Variants in PCBP3 observed in about 807,000 individuals in gnomAD.
PCBP3 encodes the protein poly(rC) binding protein 3.
A neutral mutation model predicts 52.7 loss-of-function variants in PCBP3; 25 were observed. The ratio of observed to expected loss-of-function variants is 0.47; its 90% CI spans 0.35 to 0.66. The LOEUF is 0.66. PCBP3 is among the 30% of genes least tolerant of loss of function. The probability of loss-of-function intolerance (pLI) is 0.01; values close to 1 mark genes in which losing one functional copy is unlikely to be tolerated. For synonymous variants in PCBP3, 162 were observed against 183.0 expected (o/e 0.89, Z 0.93); for missense variants, 391 against 490.3 (o/e 0.80, Z 1.91).
At chr21:45,652,705 A>G (rs2079770781) in intron 1 of PCBP3, among the ~76,000 whole-genome samples, 1 of 152,092 alleles carries the variant, frequency 6.6e-6, no homozygotes, top group Non-Finnish European at 1.5e-5. Flanking sequence ...GGCCTCCCAC[A>G]GTGCTGGGAT....
At chr21:45,692,900 A>C (rs888826793) in intron 2 of PCBP3, among the ~76,000 whole-genome samples, 2 of 152,340 alleles carry the variant, frequency 1.3e-5, no homozygotes, top group South Asian at 4.1e-4. Flanking sequence ...AATCAAATCC[A>C]GAAATATTTT....
intron 4 of PCBP3, among the ~76,000 whole-genome samples, chr21:45,826,686 G>A (rs1266552019): frequency 1.3e-5 from 2 of 152,226 alleles, no homozygotes; most frequent in African/African-American, 4.8e-5. Flanking sequence ...GGACGACATG[G>A]TGGTGAGTTC....
intron 5 of PCBP3, chr21:45,858,881 A>G (rs1027378021): frequency 1.5e-4 from 23 of 152,018 alleles, no homozygotes; most frequent in African/African-American, 5.3e-4. Flanking sequence ...ATGAGATCTG[A>G]TGGTTTTCTA....
chr21:45,846,755 G>A (rs1285964981), intron 4 of PCBP3, among the ~76,000 whole-genome samples: 1 of 152,216 alleles, frequency 6.6e-6, no homozygotes, highest in East Asian at 1.9e-4. Flanking sequence ...GCCCTTCTTG[G>A]TCTTGCTTCC....
chr21:45,900,656 C>T, intron 8 of PCBP3, 33 bp downstream of exon 8: 1 of 838,976 alleles, frequency 1.2e-6, no homozygotes, highest in Non-Finnish European at 2.0e-6. Flanking sequence ...TGTCCGCAGC[C>T]ATTCCCGGGT....
intron 5 of PCBP3, among the ~76,000 whole-genome samples, chr21:45,867,591 A>G (rs996925515): frequency 6.6e-6 from 1 of 152,270 alleles, no homozygotes; most frequent in Admixed American, 6.5e-5. Flanking sequence ...TGTGTTGTGC[A>G]CAGACATGGT....
intron 2 of PCBP3, among the ~76,000 whole-genome samples, chr21:45,716,811 G>GT (rs2084257307): frequency 6.6e-6 from 1 of 152,060 alleles, no homozygotes; most frequent in Non-Finnish European, 1.5e-5. Flanking sequence ...TTCTGACTTT[G>GT]TTTTTCTTTT....
Position 45,735,781 on chromosome 21 carries a change from A to G in PCBP3, c.-162+352A>G, listed in dbSNP as rs1203151355. ...CACTTGGAGCCTACTGCACGAGCCTACCGCACAAGCCTACCGCACGCCTTT... is the reference window on the plus strand; with the variant it reads ...CACTTGGAGCCTACTGCACGAGCCTGCCGCACAAGCCTACCGCACGCCTTT... On this transcript the variant is annotated intron_variant, in intron 3 of 17. Transcript: ENST00000681687. This position sits in a 1 kb window ranked among gnomAD's most constrained non-coding sequence, Gnocchi z 4.0. 6.6e-6 allele frequency among the ~76,000 whole-genome samples: 1 copy of G among 152,164 alleles called. No individual in the cohort carries two copies. Among genetic ancestry groups the G allele is most frequent in the Non-Finnish European group, 1.5e-5 (1 of 68,018 alleles).
At chr21:45,692,739 C>T (rs1603272312) in intron 2 of PCBP3, among the ~76,000 whole-genome samples, 2 of 152,084 alleles carry the variant, frequency 1.3e-5, no homozygotes, top group South Asian at 2.1e-4. Context: ...CCAGACTCTT[C>T]CAGAAAACAG....
intron 5 of PCBP3, among the ~76,000 whole-genome samples, chr21:45,855,372 A>AT (rs1323616365): frequency 6.6e-6 from 1 of 152,042 alleles, no homozygotes; most frequent in African/African-American, 2.4e-5. Flanking sequence ...ACATACACAC[A>AT]TCCGCCCTCA....
chr21:45,913,133 G>A (rs2149291689), intron 11 of PCBP3, among the ~76,000 whole-genome samples: 1 of 152,304 alleles, frequency 6.6e-6, no homozygotes, highest in Non-Finnish European at 1.5e-5. Context: ...TGGGCCCTGG[G>A]GACAGTTAGA....
Position 45,656,190 on chromosome 21 carries a change from A to C in PCBP3, c.-279+12322A>C, listed in dbSNP as rs2080007218. Among the ~76,000 whole-genome samples the C allele has an allele frequency of 6.6e-6, 1 of 152,224 alleles. No individual in the cohort carries two copies. Among genetic ancestry groups the C allele is most frequent in the Non-Finnish European group, 1.5e-5 (1 of 68,046 alleles). The stretch of plus-strand genomic sequence containing the variant: ...ATCATTCTACTGTAAATACACATGC[A>C]TGCATATGTTTATTGCAGCATTGTT... On this transcript the variant is annotated intron_variant, in intron 1 of 17. Coordinates refer to ENST00000681687, the MANE Select transcript of PCBP3 (RefSeq NM_001384156.1). The surrounding 1 kb of genome is among the most constrained non-coding windows in gnomAD (Gnocchi z 4.3).
At chr21:45,654,574 C>T (rs1268025399) in intron 1 of PCBP3, among the ~76,000 whole-genome samples, 4 of 152,198 alleles carry the variant, frequency 2.6e-5, no homozygotes, top group African/African-American at 4.8e-5. Context: ...CTCTTGACCT[C>T]GTGATCTGCC....
rs1603485817 is a variant in PCBP3, at chr21:45,909,633, A to G, written c.471+147A>G. ...CGCAGACCCCACAGCTCAAAGTGCGAGACAGGAACACAGGACCCATGAGCA... is the reference window on the plus strand; with the variant it reads ...CGCAGACCCCACAGCTCAAAGTGCGGGACAGGAACACAGGACCCATGAGCA... On this transcript the variant is annotated intron_variant, in intron 10 of 17. Transcript: ENST00000681687. 12 of 732,972 alleles carry G rather than the reference A, an allele frequency of 1.6e-5. No individual in the cohort carries two copies. In the East Asian group the frequency reaches 3.3e-4, roughly 20 times the overall value. The allele number at this position is 732,972 out of a possible 1,614,324, so 45.4% of individuals were successfully genotyped here. A position where few individuals can be genotyped will look rare whatever the true frequency, so the allele number is the denominator to read the frequency against.
intron 2 of PCBP3, among the ~76,000 whole-genome samples, chr21:45,708,862 C>T (rs556892815): frequency 3.9e-5 from 6 of 152,356 alleles, no homozygotes; most frequent in Admixed American, 3.3e-4. Flanking sequence ...CACACATGTC[C>T]AGTTGTCCAG....
At chr21:45,763,282 G>A (rs531423611) in intron 4 of PCBP3, 1 of 152,268 alleles carries the variant, frequency 6.6e-6, no homozygotes, top group East Asian at 1.9e-4. Context: ...TAGAATGTGT[G>A]TAGGATGATA....
chr21:45,926,616 GC>G (rs1444405947), intron 13 of PCBP3, among the ~76,000 whole-genome samples: 5 of 152,148 alleles, frequency 3.3e-5, no homozygotes, highest in African/African-American at 1.2e-4. Context: ...GGACAGAGCT[GC>G]CCACGAGAGC....
chr21:45,795,595 T>TGCCA (rs1009103911), intron 4 of PCBP3, among the ~76,000 whole-genome samples: 1 of 152,132 alleles, frequency 6.6e-6, no homozygotes, highest in Non-Finnish European at 1.5e-5. Context: ...ACATGAGGGA[T>TGCCA]GCCACAAAAG....
At chr21:45,697,555 G>C (rs2082858001) in intron 2 of PCBP3, among the ~76,000 whole-genome samples, 1 of 152,012 alleles carries the variant, frequency 6.6e-6, no homozygotes, top group Admixed American at 6.6e-5. Flanking sequence ...GACCAGCCTA[G>C]ACAACATAGT....
Sources: gnomAD v4.1 joint callset for allele counts (sites outside exome capture counted in the v4.1 genomes callset) on GRCh38, gnomAD v4.1.1 for gene constraint, Gnocchi (gnomAD v3.1) non-coding constraint, MANE v1.5 for transcripts, NCBI Gene and HGNC (gene_info 2026-07-23, HGNC 2026-07-21) for gene names.